Variants in SPMIP2 observed in about 807,000 individuals in gnomAD.
SPMIP2 encodes protein SPMIP2.
the SPMIP2 span, among the ~76,000 whole-genome samples, chr4:158,982,778 C>G: frequency 8.5e-5 from 13 of 152,108 alleles, no homozygotes; most frequent in Admixed American, 5.9e-4. Context: ...CAGGAGAGAT[C>G]CAAATTGACA....
At chr4:158,915,224 T>C in the SPMIP2 span, 3 of 1,613,788 alleles carry the variant, frequency 1.9e-6, no homozygotes, top group South Asian at 1.1e-5. Context: ...CTCTTGGCAA[T>C]GATGACTTAC....
the SPMIP2 span, among the ~76,000 whole-genome samples, chr4:158,994,220 G>A: frequency 6.6e-6 from 1 of 152,200 alleles, no homozygotes; most frequent in Non-Finnish European, 1.5e-5. Flanking sequence ...TTGAATGTGG[G>A]AGATCCACAG....
the SPMIP2 span, among the ~76,000 whole-genome samples, chr4:158,953,402 G>T: frequency 6.6e-6 from 1 of 152,244 alleles, no homozygotes; most frequent in Non-Finnish European, 1.5e-5. Flanking sequence ...CATAAGTCAA[G>T]AATTAGGGTT....
the SPMIP2 span, among the ~76,000 whole-genome samples, chr4:159,044,733 A>G: frequency 6.6e-6 from 1 of 152,206 alleles, no homozygotes; most frequent in Non-Finnish European, 1.5e-5. Context: ...CCTCCAATAT[A>G]ACATTTTTCA....
At chr4:159,044,492 T>C in the SPMIP2 span, among the ~76,000 whole-genome samples, 39 of 150,656 alleles carry the variant, frequency 2.6e-4, no homozygotes, top group Non-Finnish European at 4.3e-4. Context: ...TGGGAGAAGT[T>C]AAAAAAAAAT....
At chr4:159,051,497 C>A in the SPMIP2 span, among the ~76,000 whole-genome samples, 2 of 152,220 alleles carry the variant, frequency 1.3e-5, no homozygotes, top group African/African-American at 2.4e-5. Context: ...ACTAAAGCGT[C>A]ACATTCAAAG....
the SPMIP2 span, among the ~76,000 whole-genome samples, chr4:159,068,431 G>T: frequency 1.4e-5 from 2 of 148,050 alleles, no homozygotes; most frequent in African/African-American, 4.9e-5. Context: ...AACACCCCAT[G>T]TTCTCACTCA....
At chr4:159,028,644 T>G in the SPMIP2 span, among the ~76,000 whole-genome samples, 1 of 152,202 alleles carries the variant, frequency 6.6e-6, no homozygotes, top group African/African-American at 2.4e-5. Flanking sequence ...GTTTTAAACT[T>G]TAAAATTGCA....
the SPMIP2 span, among the ~76,000 whole-genome samples, chr4:158,986,791 C>T: frequency 5.9e-5 from 9 of 151,768 alleles, no homozygotes; most frequent in South Asian, 2.1e-4. Flanking sequence ...GGGATCTAAT[C>T]AAACTAAAGA....
the SPMIP2 span, among the ~76,000 whole-genome samples, chr4:158,896,821 A>C: frequency 6.9e-6 from 1 of 145,608 alleles, no homozygotes. Context: ...CCAGCCTCAT[A>C]CTTCAATCCT....
the SPMIP2 span, among the ~76,000 whole-genome samples, chr4:158,958,891 T>C: frequency 6.6e-6 from 1 of 152,224 alleles, no homozygotes; most frequent in Non-Finnish European, 1.5e-5. Context: ...TACATTTAAT[T>C]AAACAAAAAT....
chr4:159,010,549 G>A, the SPMIP2 span, among the ~76,000 whole-genome samples: 3 of 152,214 alleles, frequency 2.0e-5, no homozygotes, highest in South Asian at 6.2e-4. Flanking sequence ...CTTCTTTCAG[G>A]CGTTCATGTA....
the SPMIP2 span, among the ~76,000 whole-genome samples, chr4:158,896,124 A>G: frequency 6.6e-6 from 1 of 152,162 alleles, no homozygotes; most frequent in Non-Finnish European, 1.5e-5. Flanking sequence ...GGATTATCTT[A>G]TGCTTGAAAA....
chr4:159,019,892 G>A, the SPMIP2 span, among the ~76,000 whole-genome samples: 3 of 152,156 alleles, frequency 2.0e-5, no homozygotes, highest in African/African-American at 7.2e-5. Flanking sequence ...CAATAAATTA[G>A]AGTTGATTTG....
chr4:158,999,197 C>A, the SPMIP2 span, among the ~76,000 whole-genome samples: 3 of 149,342 alleles, frequency 2.0e-5, no homozygotes, highest in South Asian at 2.1e-4. Context: ...AAAAAAAACC[C>A]AAAAAAACCC....
the SPMIP2 span, among the ~76,000 whole-genome samples, chr4:158,897,380 T>C: frequency 6.6e-6 from 1 of 152,236 alleles, no homozygotes; most frequent in Non-Finnish European, 1.5e-5. Context: ...CTGGGTCAGA[T>C]GGTATTTCTA....
At chr4:158,950,661 C>T in the SPMIP2 span, among the ~76,000 whole-genome samples, 2 of 152,170 alleles carry the variant, frequency 1.3e-5, no homozygotes, top group South Asian at 2.1e-4. Flanking sequence ...TTTGGGAGAC[C>T]GAGGCAGGTG....
At chr4:158,951,720 T>C in the SPMIP2 span, among the ~76,000 whole-genome samples, 2 of 152,188 alleles carry the variant, frequency 1.3e-5, no homozygotes, top group Non-Finnish European at 2.9e-5. Context: ...GAATGTCAGA[T>C]TAGTGGCAAA....
At chr4:158,965,664 T>G in the SPMIP2 span, among the ~76,000 whole-genome samples, 1 of 79,902 alleles carries the variant, frequency 1.3e-5, no homozygotes, top group East Asian at 2.9e-4. Context: ...CTTAAGTTTC[T>G]ATTTAAAAAA....
Sources: allele counts gnomAD v4.1 joint callset (sites outside exome capture counted in the v4.1 genomes callset), GRCh38; gene constraint gnomAD v4.1.1; transcripts MANE v1.5; gene names NCBI Gene and HGNC (gene_info 2026-07-23, HGNC 2026-07-21).